Variants in NELL1 observed in about 807,000 individuals in gnomAD.
NELL1 encodes protein kinase C-binding protein NELL1.
NELL1 carries 76 observed loss-of-function variants against 107.4 expected under a neutral mutation model. That is an observed-to-expected ratio of 0.71 (90% CI 0.59 to 0.86). The LOEUF (loss-of-function observed/expected upper bound fraction) is 0.86. Among genes scored for constraint, NELL1 ranks in the 40% least tolerant of loss-of-function variants. NELL1 has a pLI of 0.00. For synonymous variants in NELL1, 353 were observed against 341.2 expected (o/e 1.03, Z -0.38); for missense variants, 1,024 against 1,005.5 (o/e 1.02, Z -0.25).
At chr11:20,846,109 G>A (rs984722597) in intron 3 of NELL1, among the ~76,000 whole-genome samples, 1 of 152,124 alleles carries the variant, frequency 6.6e-6, no homozygotes, top group Non-Finnish European at 1.5e-5. Flanking sequence ...TTACTAATAA[G>A]TATGAACCTG....
At chr11:21,163,984 G>A (rs115147914) in intron 13 of NELL1, among the ~76,000 whole-genome samples, 2,821 of 152,162 alleles carry the variant, frequency 0.019, 87 homozygotes, top group African/African-American at 0.065. Flanking sequence ...TATAAGAAAA[G>A]GAAGATACAC....
chr11:20,778,423 A>G (rs963505683), intron 2 of NELL1, among the ~76,000 whole-genome samples: 2 of 148,210 alleles, frequency 1.3e-5, no homozygotes, highest in Non-Finnish European at 3.0e-5. Context: ...AGTTGCTTCT[A>G]TTTGAGGCAG....
intron 15 of NELL1, among the ~76,000 whole-genome samples, chr11:21,483,293 A>T (rs1397524543): frequency 6.6e-6 from 1 of 152,222 alleles, no homozygotes; most frequent in Admixed American, 6.5e-5. Context: ...CCATGAATAT[A>T]GTCGACAGAA....
chr11:21,129,271 A>C (rs1855559816), intron 13 of NELL1, among the ~76,000 whole-genome samples: 1 of 152,184 alleles, frequency 6.6e-6, no homozygotes, highest in Admixed American at 6.5e-5. Flanking sequence ...ATGTGGAGGA[A>C]CTGGAACCCT....
At chr11:21,308,459 G>A (rs1849656520) in intron 14 of NELL1, among the ~76,000 whole-genome samples, 1 of 152,016 alleles carries the variant, frequency 6.6e-6, no homozygotes, top group Non-Finnish European at 1.5e-5. Context: ...AAAGAAATAT[G>A]TTTAAGGAGT....
At chr11:21,573,497 C>G in intron 19 of NELL1, 88 bp downstream of exon 19, 1 of 1,110,218 alleles carries the variant, frequency 9.0e-7, no homozygotes, top group Non-Finnish European at 1.4e-6. Context: ...TCTGAATACA[C>G]AGGTTCAATG....
intron 3 of NELL1, among the ~76,000 whole-genome samples, chr11:20,806,287 T>A (rs1325975031): frequency 6.8e-6 from 1 of 146,608 alleles, no homozygotes; most frequent in Non-Finnish European, 1.5e-5. Flanking sequence ...TGTGTGTGTT[T>A]GTGTTTGTGT....
At chr11:21,117,050 T>A (rs76540429) in intron 13 of NELL1, among the ~76,000 whole-genome samples, 2,684 of 152,086 alleles carry the variant, frequency 0.018, 78 homozygotes, top group African/African-American at 0.061. Context: ...CTGACCTTTG[T>A]CTTTTTCTCC....
At chr11:21,510,709 T>G (rs1001761260) in intron 15 of NELL1, among the ~76,000 whole-genome samples, 3 of 152,128 alleles carry the variant, frequency 2.0e-5, no homozygotes, top group Admixed American at 6.6e-5. Flanking sequence ...TAAGAGTTCC[T>G]TATCCACCAC....
chr11:21,045,480 A>G (rs1454508745), intron 12 of NELL1, among the ~76,000 whole-genome samples: 1 of 152,170 alleles, frequency 6.6e-6, no homozygotes, highest in Non-Finnish European at 1.5e-5. Context: ...TTTCATGTTC[A>G]AATACACTTG....
chr11:21,089,652 A>G (rs1216413273), intron 12 of NELL1, among the ~76,000 whole-genome samples: 1 of 152,238 alleles, frequency 6.6e-6, no homozygotes, highest in Non-Finnish European at 1.5e-5. Flanking sequence ...CTGCAAAGAT[A>G]TCAGAAAGGA....
intron 2 of NELL1, among the ~76,000 whole-genome samples, chr11:20,710,034 C>T (rs776493897): frequency 2.6e-5 from 4 of 152,122 alleles, no homozygotes; most frequent in Admixed American, 2.6e-4. Context: ...ATTTGGATGC[C>T]GTTTATTTCT....
intron 2 of NELL1, among the ~76,000 whole-genome samples, chr11:20,775,342 A>G (rs938018372): frequency 6.6e-6 from 1 of 152,164 alleles, no homozygotes; most frequent in South Asian, 2.1e-4. Flanking sequence ...TGTTATTTCA[A>G]TGCCTTTCAT....
At chr11:21,044,365 A>G (rs1407500265) in intron 12 of NELL1, among the ~76,000 whole-genome samples, 1 of 152,170 alleles carries the variant, frequency 6.6e-6, no homozygotes, top group African/African-American at 2.4e-5. Flanking sequence ...GAGGGCAGAA[A>G]GCTGCCAGAA....
At chr11:21,161,026 C>CACAG (rs1554974865) in intron 13 of NELL1, among the ~76,000 whole-genome samples, 27 of 151,798 alleles carry the variant, frequency 1.8e-4, no homozygotes, top group Non-Finnish European at 3.5e-4. Context: ...CACACACACA[C>CACAG]ACACACACAC....
At chr11:21,432,541 G>A (rs1590928076) in intron 15 of NELL1, among the ~76,000 whole-genome samples, 2 of 152,068 alleles carry the variant, frequency 1.3e-5, no homozygotes, top group South Asian at 2.1e-4. Context: ...ATTACTTCCT[G>A]CAAAAAGGGA....
chr11:20,672,984 C>T (rs11025690), intron 1 of NELL1, among the ~76,000 whole-genome samples: 1 of 94,484 alleles, frequency 1.1e-5, no homozygotes, highest in East Asian at 2.7e-4. Context: ...CCCCCCCCCC[C>T]CCCGAGTAGC....
intron 13 of NELL1, among the ~76,000 whole-genome samples, chr11:21,139,004 G>C (rs962773686): frequency 3.3e-5 from 5 of 152,288 alleles, no homozygotes; most frequent in Non-Finnish European, 7.4e-5. Context: ...GAGTAGTTTT[G>C]TAAGAATAAT....
At chr11:21,179,277 G>T (rs893357964) in intron 13 of NELL1, among the ~76,000 whole-genome samples, 1 of 151,870 alleles carries the variant, frequency 6.6e-6, no homozygotes, top group Non-Finnish European at 1.5e-5. Context: ...CAGAAATTTC[G>T]TGTAGAGGAA....
Sources: allele counts gnomAD v4.1 joint callset (sites outside exome capture counted in the v4.1 genomes callset), GRCh38; gene constraint gnomAD v4.1.1; transcripts MANE v1.5; gene names NCBI Gene and HGNC (gene_info 2026-07-23, HGNC 2026-07-21).